ERC2: variants seen among roughly 807,000 people sequenced by gnomAD.
ERC2 encodes ELKS/RAB6-interacting/CAST family member 2.
A neutral mutation model predicts 114.8 loss-of-function variants in ERC2; 42 were observed. The ratio of observed to expected loss-of-function variants is 0.37; its 90% CI spans 0.29 to 0.47. The LOEUF (loss-of-function observed/expected upper bound fraction) is 0.47, where lower values mean the gene tolerates loss of function less well. ERC2 is among the 20% of genes least tolerant of loss of function. The pLI is 0.99. For synonymous variants in ERC2, 454 were observed against 425.5 expected (o/e 1.07, Z -0.82); for missense variants, 939 against 1,150.7 (o/e 0.82, Z 2.66).
intron 14 of ERC2, among the ~76,000 whole-genome samples, chr3:55,759,780 C>T (rs973562836): frequency 6.6e-6 from 1 of 152,184 alleles, no homozygotes; most frequent in African/African-American, 2.4e-5. Context: ...GAATGACTGA[C>T]ACTTTCAAGT....
At chr3:55,602,346 C>G (rs1025871376) in intron 17 of ERC2, among the ~76,000 whole-genome samples, 2 of 152,168 alleles carry the variant, frequency 1.3e-5, no homozygotes, top group African/African-American at 2.4e-5. Flanking sequence ...ACAAATCCCT[C>G]CATGGAATAG....
At chr3:55,731,641 G>A (rs1370853752) in intron 15 of ERC2, among the ~76,000 whole-genome samples, 2 of 152,040 alleles carry the variant, frequency 1.3e-5, no homozygotes, top group Non-Finnish European at 2.9e-5. Context: ...TTTGGCAAAG[G>A]GTCTCCTTAA....
chr3:55,519,184 G>A (rs559374843), intron 17 of ERC2, among the ~76,000 whole-genome samples: 20 of 152,262 alleles, frequency 1.3e-4, no homozygotes, highest in African/African-American at 4.8e-4. Context: ...CAGAGACAAT[G>A]GTATCCTATG....
At chr3:55,781,582 G>A (rs1003884034) in intron 14 of ERC2, among the ~76,000 whole-genome samples, 24 of 151,888 alleles carry the variant, frequency 1.6e-4, no homozygotes, top group Non-Finnish European at 2.6e-4. Context: ...TTTGAAAAAG[G>A]AAGAGAGAGC....
intron 17 of ERC2, among the ~76,000 whole-genome samples, chr3:55,607,345 G>A (rs2148550214): frequency 6.6e-6 from 1 of 152,306 alleles, no homozygotes; most frequent in East Asian, 1.9e-4. Flanking sequence ...CGCTGAGCCT[G>A]GAGAACCCAT....
intron 7 of ERC2, among the ~76,000 whole-genome samples, chr3:56,065,767 T>TC (rs1186092488): frequency 6.6e-6 from 1 of 152,128 alleles, no homozygotes; most frequent in Non-Finnish European, 1.5e-5. Flanking sequence ...TTCCCATTGT[T>TC]AGCTCCCACT....
At chr3:55,810,862 T>C (rs950303100) in intron 14 of ERC2, among the ~76,000 whole-genome samples, 10 of 152,272 alleles carry the variant, frequency 6.6e-5, no homozygotes, top group Non-Finnish European at 1.0e-4. Flanking sequence ...TCTAGTATCA[T>C]AAATGATTCT....
chr3:55,678,556 T>C (rs1467068307), intron 17 of ERC2, among the ~76,000 whole-genome samples: 2 of 152,138 alleles, frequency 1.3e-5, no homozygotes, highest in Non-Finnish European at 2.9e-5. Flanking sequence ...TGCTTTGCAA[T>C]CTCCTTTTCT....
chr3:55,823,571 G>C (rs986905288), intron 14 of ERC2, among the ~76,000 whole-genome samples: 1 of 152,174 alleles, frequency 6.6e-6, no homozygotes, highest in Non-Finnish European at 1.5e-5. Context: ...CTTTGAGAGG[G>C]ACGGAGAAGG....
chr3:55,572,792 A>G (rs1187487810), intron 17 of ERC2, among the ~76,000 whole-genome samples: 2 of 152,152 alleles, frequency 1.3e-5, no homozygotes, highest in Admixed American at 1.3e-4. Context: ...TTAGCTGGTG[A>G]CCTCTAGGGT....
At chr3:56,383,759 T>C (rs2059839370) in intron 2 of ERC2, among the ~76,000 whole-genome samples, 1 of 152,188 alleles carries the variant, frequency 6.6e-6, no homozygotes, top group Non-Finnish European at 1.5e-5. Flanking sequence ...ACATTCGCAT[T>C]ATGACACAAT....
intron 2 of ERC2, among the ~76,000 whole-genome samples, chr3:56,367,458 C>T (rs986968215): frequency 3.9e-5 from 6 of 151,934 alleles, no homozygotes; most frequent in African/African-American, 1.2e-4. Context: ...CTATCTCCTT[C>T]TGCACCTCTC....
At chr3:55,666,665 G>A (rs1399689151) in intron 17 of ERC2, among the ~76,000 whole-genome samples, 1 of 152,040 alleles carries the variant, frequency 6.6e-6, no homozygotes, top group African/African-American at 2.4e-5. Flanking sequence ...GATGCTATTG[G>A]CATCCAGTAG....
chr3:56,028,370 A>G (rs539737751), intron 7 of ERC2, among the ~76,000 whole-genome samples: 1 of 152,238 alleles, frequency 6.6e-6, no homozygotes, highest in East Asian at 1.9e-4. Context: ...ATCTCATTAA[A>G]TCTATATAGC....
chr3:56,260,179 C>T (rs2052819229), intron 3 of ERC2, among the ~76,000 whole-genome samples: 1 of 152,138 alleles, frequency 6.6e-6, no homozygotes, highest in Non-Finnish European at 1.5e-5. Context: ...TCCCTCAGTC[C>T]ACTTGGTCTG....
intron 2 of ERC2, among the ~76,000 whole-genome samples, chr3:56,301,986 G>T: frequency 6.6e-6 from 1 of 152,250 alleles, no homozygotes; most frequent in Admixed American, 6.5e-5. Context: ...GATAGGCTTA[G>T]GATATGCTGC....
chr3:55,524,982 C>T lies in ERC2; in HGVS notation c.*40-13706G>A, dbSNP rs113144595. On this transcript the variant is annotated intron_variant, in intron 17 of 17. Transcript: ENST00000288221. ...GGCCACAGGTACCGCAGTTGGTCAT[C>T]GTTAGTGCTGATGGCCCAAGGCTGG... Among the ~76,000 whole-genome samples, 229 of 152,280 alleles carry T rather than the reference C, an allele frequency of 1.5e-3. 1 individual carries two copies. The highest frequency in any genetic ancestry group is 5.4e-3 in the Admixed American group (82 of 15,300).
chr3:56,227,369 A>G (rs1287770804), intron 3 of ERC2, among the ~76,000 whole-genome samples: 1 of 151,958 alleles, frequency 6.6e-6, no homozygotes, highest in Non-Finnish European at 1.5e-5. Flanking sequence ...TCCAACAGGA[A>G]AGAAAGCAAA....
At chr3:55,921,206 C>T (rs1014336715) in intron 13 of ERC2, among the ~76,000 whole-genome samples, 10 of 152,088 alleles carry the variant, frequency 6.6e-5, no homozygotes, top group Non-Finnish European at 1.2e-4. Context: ...TAATTACCCA[C>T]CAACATGAAT....
Sources: gnomAD v4.1 joint callset for allele counts (sites outside exome capture counted in the v4.1 genomes callset) on GRCh38, gnomAD v4.1.1 for gene constraint, MANE v1.5 for transcripts, NCBI Gene and HGNC (gene_info 2026-07-23, HGNC 2026-07-21) for gene names.